The following FOXJ3 variants were observed in gnomAD, a reference collection of about 807,000 sequenced individuals.
The protein encoded by FOXJ3 is forkhead box J3, also known as forkhead box protein J3.
A neutral mutation model predicts 76.1 loss-of-function variants in FOXJ3; 22 were observed. The ratio of observed to expected loss-of-function variants is 0.29; its 90% confidence interval spans 0.21 to 0.41. FOXJ3 has a LOEUF of 0.41. Ranked by LOEUF, FOXJ3 falls within the 10% of genes least tolerant of loss-of-function variation. The pLI is 1.00. For synonymous variants in FOXJ3, 269 were observed against 261.2 expected (o/e 1.03, Z -0.29); for missense variants, 613 against 762.1 (o/e 0.80, Z 2.30).
intron 7 of FOXJ3, among the ~76,000 whole-genome samples, chr1:42,198,017 T>C (rs1021608805): frequency 1.3e-5 from 2 of 152,126 alleles, no homozygotes; most frequent in Admixed American, 1.3e-4. Context: ...TTTGGTTAAG[T>C]CTGTGGATGT....
Position 42,220,992 on chromosome 1 carries a change from A to G in FOXJ3, c.528+6891T>C, listed in dbSNP as rs58194046. Among the ~76,000 whole-genome samples the G allele has an allele frequency of 3.8e-3, 581 of 152,354 alleles. 2 individuals are homozygous for G. Among genetic ancestry groups the G allele is most frequent in the African/African-American group, 0.013 (546 of 41,572 alleles). On this transcript the variant is annotated intron_variant, in intron 5 of 12. Transcript: ENST00000361346. ...AATCATTAATTCATTTAAAACCAACAAGAATAAACATACATGTTAACATAA... is the reference window on the plus strand; with the variant it reads ...AATCATTAATTCATTTAAAACCAACGAGAATAAACATACATGTTAACATAA...
intron 5 of FOXJ3, among the ~76,000 whole-genome samples, chr1:42,207,252 T>C (rs566704922): frequency 6.6e-6 from 1 of 152,354 alleles, no homozygotes; most frequent in African/African-American, 2.4e-5. Flanking sequence ...TAATCCACTT[T>C]TTTAGCTACC....
At chr1:42,182,219 G>A (rs1222205235) in intron 11 of FOXJ3, among the ~76,000 whole-genome samples, 195 bp from the exon 12 acceptor site, 1 of 152,180 alleles carries the variant, frequency 6.6e-6, no homozygotes, top group Admixed American at 6.5e-5. Flanking sequence ...GCCAGGCCGG[G>A]TGTGAACACA....
At chr1:42,334,102 C>T (rs750102844) in intron 1 of FOXJ3, 82 of 963,998 alleles carry the variant, frequency 8.5e-5, no homozygotes, top group Non-Finnish European at 9.7e-5. Flanking sequence ...ACCAGACACA[C>T]AAAAAGTAAA....
At chr1:42,199,272 C>T (rs1646712999) in intron 6 of FOXJ3, 42 bp from the exon 7 acceptor site, 1 of 1,549,556 alleles carries the variant, frequency 6.5e-7, no homozygotes. Flanking sequence ...TATAAGGGTA[C>T]TTCTTAAGCA....
intron 7 of FOXJ3, among the ~76,000 whole-genome samples, chr1:42,197,605 T>A (rs940482135): frequency 1.3e-5 from 2 of 152,008 alleles, no homozygotes; most frequent in Non-Finnish European, 2.9e-5. Flanking sequence ...CCATACACTT[T>A]AAATCACCTC....
intron 4 of FOXJ3, among the ~76,000 whole-genome samples, chr1:42,241,596 AACC>A (rs1171116579): frequency 1.2e-4 from 18 of 152,064 alleles, no homozygotes. Context: ...CCACTACCAC[AACC>A]ACCAGCCACC....
intron 1 of FOXJ3, among the ~76,000 whole-genome samples, chr1:42,324,103 T>TGTATATATA (rs746130830): frequency 2.8e-4 from 25 of 88,316 alleles, no homozygotes; most frequent in South Asian, 3.6e-4. Flanking sequence ...ATATATACTG[T>TGTATATATA]GTATATACAC....
chr1:42,272,637 T>C lies in FOXJ3; in HGVS notation c.369+5711A>G, dbSNP rs998891692. Among the ~76,000 whole-genome samples, 10 of 152,330 alleles carry C rather than the reference T, an allele frequency of 6.6e-5. No homozygotes were observed. In the South Asian group the frequency reaches 8.3e-4, roughly 13 times the overall value. On this transcript the variant is annotated intron_variant, in intron 3 of 12. Coordinates refer to ENST00000361346, the MANE Select transcript of FOXJ3 (RefSeq NM_014947.5). ...AGTTCTCTATTTCTTTTTCTTCCCATTGAAACTTTATCACTACATCTAAAA... is the reference window on the plus strand; with the variant it reads ...AGTTCTCTATTTCTTTTTCTTCCCACTGAAACTTTATCACTACATCTAAAA...
At chr1:42,194,685 GC>G (rs1646616874) in intron 8 of FOXJ3, among the ~76,000 whole-genome samples, 1 of 152,060 alleles carries the variant, frequency 6.6e-6, no homozygotes, top group African/African-American at 2.4e-5. Flanking sequence ...AAGTAAGTAG[GC>G]ATGCAACATA....
At chr1:42,263,977 T>C (rs1262805388) in intron 4 of FOXJ3, among the ~76,000 whole-genome samples, 1 of 137,042 alleles carries the variant, frequency 7.3e-6, no homozygotes, top group Admixed American at 8.1e-5. Flanking sequence ...CTGCCTACTA[T>C]GTGAAAGTTA....
intron 3 of FOXJ3, among the ~76,000 whole-genome samples, chr1:42,276,028 G>C (rs900208242): frequency 6.6e-6 from 1 of 152,152 alleles, no homozygotes; most frequent in African/African-American, 2.4e-5. Context: ...AAATGTCAAA[G>C]GAATTAAGGA....
chr1:42,310,149 G>GTTT (rs201552474), intron 2 of FOXJ3, among the ~76,000 whole-genome samples: 3 of 140,256 alleles, frequency 2.1e-5, no homozygotes, highest in Non-Finnish European at 4.7e-5. Flanking sequence ...GCAGGTTTAG[G>GTTT]TTTTTTTTTT....
At chr1:42,197,672 A>T (rs1166599097) in intron 7 of FOXJ3, among the ~76,000 whole-genome samples, 1 of 143,532 alleles carries the variant, frequency 7.0e-6, no homozygotes, top group Non-Finnish European at 1.5e-5. Context: ...TTTTTTCTTT[A>T]AAAAAAAAAA....
chr1:42,322,996 T>C (rs1655523451), intron 1 of FOXJ3, among the ~76,000 whole-genome samples: 1 of 152,174 alleles, frequency 6.6e-6, no homozygotes, highest in South Asian at 2.1e-4. Flanking sequence ...TGTTCTGTTC[T>C]GAACACCACA....
chr1:42,207,265 A>G (rs1051136590), intron 5 of FOXJ3, among the ~76,000 whole-genome samples: 1 of 152,182 alleles, frequency 6.6e-6, no homozygotes, highest in East Asian at 1.9e-4. Context: ...TAGCTACCAC[A>G]TATGAGTGAG....
At chr1:42,230,309 ATACCCACTAGCATGTCTATG>A (rs1557656798) in intron 4 of FOXJ3, among the ~76,000 whole-genome samples, 1 of 152,150 alleles carries the variant, frequency 6.6e-6, no homozygotes, top group East Asian at 1.9e-4. Flanking sequence ...ATAACACTTT[ATACCCACTAGCATGTCTATG>A]ATCAAAAAAA....
intron 1 of FOXJ3, among the ~76,000 whole-genome samples, chr1:42,332,404 G>A (rs1462770498): frequency 1.3e-5 from 2 of 152,162 alleles, no homozygotes; most frequent in African/African-American, 4.8e-5. Context: ...TTATTATGAA[G>A]ATTTAATGAA....
intron 5 of FOXJ3, among the ~76,000 whole-genome samples, chr1:42,224,716 C>G (rs891683038): frequency 6.6e-6 from 1 of 151,906 alleles, no homozygotes; most frequent in African/African-American, 2.4e-5. Flanking sequence ...AGGTAACTGT[C>G]AAGCTTTATC....
Sources: allele counts gnomAD v4.1 joint callset (sites outside exome capture counted in the v4.1 genomes callset), GRCh38; gene constraint gnomAD v4.1.1; transcripts MANE v1.5; gene names NCBI Gene and HGNC (gene_info 2026-07-23, HGNC 2026-07-21).